LRMDA: variants seen among roughly 807,000 people sequenced by gnomAD.
LRMDA encodes the protein leucine rich melanocyte differentiation associated, also known as leucine-rich melanocyte differentiation-associated protein.
A neutral mutation model predicts 29.8 loss-of-function variants in LRMDA; 18 were observed. That is an observed-to-expected ratio of 0.60 (90% CI 0.42 to 0.90). The LOEUF (loss-of-function observed/expected upper bound fraction) is 0.90, where lower values mean the gene tolerates loss of function less well. Ranked by LOEUF, LRMDA falls within the 40% of genes least tolerant of loss-of-function variation. The pLI, the probability that LRMDA is intolerant of heterozygous loss-of-function variation, is 0.00. For missense variants in LRMDA, 273 were observed against 273.9 expected, an observed-to-expected ratio of 1.00 and a Z score of 0.02; for synonymous variants, 125 against 109.4, an observed-to-expected ratio of 1.14 and a Z score of -0.89.
chr10:75,459,243 G>T (rs971127894), intron 2 of LRMDA, among the ~76,000 whole-genome samples: 4 of 152,074 alleles, frequency 2.6e-5, no homozygotes, highest in Non-Finnish European at 4.4e-5. Flanking sequence ...AGACCTGCCT[G>T]GGCTGAACAT....
chr10:76,465,001 C>T (rs1029566464), intron 6 of LRMDA: 30 of 152,114 alleles, frequency 2.0e-4, no homozygotes, highest in African/African-American at 6.8e-4. Flanking sequence ...AGAAGCAGAC[C>T]GCACTGCAGA....
At chr10:76,305,863 G>T (rs1452806307) in intron 5 of LRMDA, among the ~76,000 whole-genome samples, 1 of 152,088 alleles carries the variant, frequency 6.6e-6, no homozygotes, top group Non-Finnish European at 1.5e-5. Flanking sequence ...ACGGCTCTGT[G>T]AATAATTTAC....
intron 5 of LRMDA, among the ~76,000 whole-genome samples, chr10:76,080,295 T>C (rs1849028518): frequency 6.6e-6 from 1 of 152,208 alleles, no homozygotes; most frequent in Non-Finnish European, 1.5e-5. Context: ...TTTGAATATA[T>C]CCATCTTGCT....
chr10:76,417,993 C>T (rs1842034673), intron 6 of LRMDA, among the ~76,000 whole-genome samples: 1 of 152,000 alleles, frequency 6.6e-6, no homozygotes, highest in African/African-American at 2.4e-5. Context: ...CTATTCTGTC[C>T]CATTAGTATT....
At chr10:75,467,675 A>G (rs1844670509) in intron 2 of LRMDA, among the ~76,000 whole-genome samples, 1 of 152,094 alleles carries the variant, frequency 6.6e-6, no homozygotes, top group African/African-American at 2.4e-5. Flanking sequence ...TCAAGATCGC[A>G]AAGTTGGGCA....
At chr10:75,851,822 C>T (rs1247756037) in intron 2 of LRMDA, among the ~76,000 whole-genome samples, 1 of 152,222 alleles carries the variant, frequency 6.6e-6, no homozygotes, top group Non-Finnish European at 1.5e-5. Flanking sequence ...TTGAAAGGCC[C>T]TTCACTTAGA....
At chr10:76,415,900 G>A (rs1038159566) in intron 6 of LRMDA, among the ~76,000 whole-genome samples, 12 of 152,186 alleles carry the variant, frequency 7.9e-5, no homozygotes, top group African/African-American at 2.7e-4. Context: ...AAATCCAGCT[G>A]CAACCTCCAC....
chr10:75,764,561 G>C (rs1037485653), intron 2 of LRMDA, among the ~76,000 whole-genome samples: 4 of 152,186 alleles, frequency 2.6e-5, no homozygotes, highest in Non-Finnish European at 5.9e-5. Flanking sequence ...ACTGGCAGGT[G>C]GGTTTGCATT....
In LRMDA at chr10:75,457,768, A is replaced by G. The variant is rs866167137; in HGVS notation, c.131+19274A>G. Among the ~76,000 whole-genome samples, 3 of 152,226 alleles carry G rather than the reference A, an allele frequency of 2.0e-5. No individual in the cohort carries two copies. The South Asian group carries it at 6.2e-4, about 32-fold the overall frequency. On this transcript the variant is annotated intron_variant, in intron 2 of 6. Coordinates refer to ENST00000611255, the MANE Select transcript of LRMDA (RefSeq NM_001305581.2). ...TTTCCATCAGTTACAGGCAAAGAAT[A>G]TTGTCCTCTTTTCTCACTCCTCAGA...
chr10:75,700,026 T>A (rs1842285381), intron 2 of LRMDA, among the ~76,000 whole-genome samples: 1 of 151,974 alleles, frequency 6.6e-6, no homozygotes, highest in South Asian at 2.1e-4. Context: ...CTGGAGGGAG[T>A]GTGGCCCTGC....
chr10:76,010,753 G>A (rs1847765097), intron 2 of LRMDA, among the ~76,000 whole-genome samples: 1 of 152,248 alleles, frequency 6.6e-6, no homozygotes, highest in Non-Finnish European at 1.5e-5. Flanking sequence ...CCTGAATCCT[G>A]ACCTCTGTCA....
chr10:76,094,733 T>G (rs918398757), intron 5 of LRMDA, among the ~76,000 whole-genome samples: 1 of 152,200 alleles, frequency 6.6e-6, no homozygotes, highest in Non-Finnish European at 1.5e-5. Flanking sequence ...TTTTAGAAAC[T>G]ATTTTTAATA....
At chr10:75,660,664 C>G (rs1841740644) in intron 2 of LRMDA, among the ~76,000 whole-genome samples, 1 of 150,050 alleles carries the variant, frequency 6.7e-6, no homozygotes, top group Non-Finnish European at 1.5e-5. Context: ...TAAGGTTTTT[C>G]AAAAACAGAG....
At chr10:76,105,142 G>A (rs1849459836) in intron 5 of LRMDA, among the ~76,000 whole-genome samples, 1 of 152,048 alleles carries the variant, frequency 6.6e-6, no homozygotes, top group Non-Finnish European at 1.5e-5. Flanking sequence ...CTTGGTCTGT[G>A]TTTCTTTTTT....
intron 5 of LRMDA, among the ~76,000 whole-genome samples, chr10:76,186,785 C>G (rs920642017): frequency 2.0e-5 from 3 of 152,200 alleles, no homozygotes; most frequent in African/African-American, 7.2e-5. Context: ...GACATTCTAT[C>G]TAACATCTAG....
At chr10:76,300,288 G>A (rs578073326) in intron 5 of LRMDA, among the ~76,000 whole-genome samples, 1 of 152,302 alleles carries the variant, frequency 6.6e-6, no homozygotes, top group Admixed American at 6.5e-5. Flanking sequence ...TTGAAATCAA[G>A]AAAAGTTGTG....
intron 6 of LRMDA, among the ~76,000 whole-genome samples, chr10:76,520,461 T>C (rs1388557779): frequency 2.0e-5 from 3 of 152,160 alleles, no homozygotes; most frequent in African/African-American, 7.2e-5. Flanking sequence ...ATGTATTAAC[T>C]AAGAGGAATG....
chr10:75,751,225 G>T (rs1218856380), intron 2 of LRMDA, among the ~76,000 whole-genome samples: 1 of 152,132 alleles, frequency 6.6e-6, no homozygotes, highest in East Asian at 1.9e-4. Flanking sequence ...TGAGGCAGGA[G>T]AATCAGGCAG....
intron 5 of LRMDA, among the ~76,000 whole-genome samples, chr10:76,272,883 C>T (rs987377421): frequency 6.6e-5 from 10 of 152,096 alleles, no homozygotes; most frequent in Non-Finnish European, 1.0e-4. Context: ...TCAACTCTTA[C>T]GAGAACTCAC....
Sources: gnomAD v4.1 joint callset for allele counts (sites outside exome capture counted in the v4.1 genomes callset) on GRCh38, gnomAD v4.1.1 for gene constraint, MANE v1.5 for transcripts, NCBI Gene and HGNC (gene_info 2026-07-23, HGNC 2026-07-21) for gene names.